UBQLN4: variants seen among roughly 807,000 people sequenced by gnomAD.
The protein encoded by UBQLN4 is ubiquilin-4.
UBQLN4 carries 11 observed loss-of-function variants against 60.4 expected under a neutral mutation model. The observed-to-expected ratio is 0.18, with a 90% CI of 0.11 to 0.30. The LOEUF (loss-of-function observed/expected upper bound fraction) is 0.30, where lower values mean the gene tolerates loss of function less well. UBQLN4 is among the 10% of genes least tolerant of loss of function. UBQLN4 has a pLI of 1.00. For missense variants in UBQLN4, 417 were observed against 795.5 expected, an observed-to-expected ratio of 0.52 and a Z score of 5.72; for synonymous variants, 258 against 313.1, an observed-to-expected ratio of 0.82 and a Z score of 1.86.
At position 156,035,318 on chromosome 1, in the gene UBQLN4, C is replaced by G. The variant is rs910956067; in HGVS notation, c.*1660G>C. On this transcript the variant is annotated 3_prime_UTR_variant, in exon 11 of 11. Coordinates refer to ENST00000368309, the MANE Select transcript of UBQLN4 (RefSeq NM_020131.5). The stretch of plus-strand genomic sequence containing the variant: ...ACACACTCTCACAACAAAGACCACG[C>G]CATTTATTTACAAAGGCCAGTGTGG... The G allele has an allele frequency of 1.0e-6, 1 of 985,304 alleles. No individual in the cohort carries two copies. Among genetic ancestry groups the G allele is most frequent in the Non-Finnish European group, 1.2e-6 (1 of 829,938 alleles). 61.0% of individuals were successfully genotyped at this position (985,304 alleles called of 1,614,324 possible).
intron 10 of UBQLN4, 42 bp downstream of exon 10, chr1:156,041,443 C>T (rs778186037): frequency 6.8e-7 from 1 of 1,479,058 alleles, no homozygotes; most frequent in Non-Finnish European, 9.0e-7. Flanking sequence ...CTCCCAGGAT[C>T]AAAGTGGTGC....
At position 156,048,386 on chromosome 1, in the gene UBQLN4, C is replaced by A; in HGVS notation, c.900+115G>T. ...TTGAGAACTGCCTTCAAGCCAAGGC[C>A]CACCCCTCAGGGGACTGGGGAAAGA... On this transcript the variant is annotated intron_variant, in intron 5 of 10. Transcript: ENST00000368309. This position sits in a 1 kb window ranked among gnomAD's most constrained non-coding sequence, Gnocchi z 4.9. The A allele has an allele frequency of 3.1e-6, 4 of 1,296,326 alleles. No homozygotes were observed. Among genetic ancestry groups the A allele is most frequent in the Non-Finnish European group, 3.1e-6 (3 of 957,086 alleles). 80.3% of individuals were successfully genotyped at this position (1,296,326 alleles called of 1,614,324 possible).
chr1:156,032,336 T>C (rs1246813876), downstream of UBQLN4, among the ~76,000 whole-genome samples: 1 of 147,972 alleles, frequency 6.8e-6, no homozygotes, highest in Admixed American at 6.7e-5. Flanking sequence ...ATATTTGCAT[T>C]ACAACCCTTT....
intron 9 of UBQLN4, 38 bp from the exon 10 acceptor site, chr1:156,041,709 C>T: frequency 6.8e-7 from 1 of 1,476,082 alleles, no homozygotes; most frequent in Non-Finnish European, 9.0e-7. Context: ...GAGATGGCAT[C>T]CAAGAAAGGG....
In UBQLN4 at chr1:156,051,161, G is replaced by A. The variant is rs777084755; in HGVS notation, c.427C>T (p.Pro143Ser). Residue 143 changes from proline (P) to serine (S), a missense_variant, in exon 3 of 11, where the codon CCC becomes TCC. Pro to Ser is a moderately conservative substitution (Grantham distance 74). Coordinates refer to ENST00000368309, the MANE Select transcript of UBQLN4 (RefSeq NM_020131.5). ...GATCCCTCCCCAGCCCCCGGAGAGG[G>A]CCCCCCACCACTGCTCCTCCGGCTT... ...SGSRRSSGGG[P>S]SPGAGEGSPS... 19 of 1,611,756 alleles carry A rather than the reference G, an allele frequency of 1.2e-5. No individual in the cohort carries two copies. In the South Asian group the frequency reaches 2.1e-4, roughly 18 times the overall value.
intron 1 of UBQLN4, among the ~76,000 whole-genome samples, chr1:156,052,353 G>A (rs747114262): frequency 1.3e-5 from 2 of 152,196 alleles, no homozygotes; most frequent in Non-Finnish European, 2.9e-5. Context: ...TTGAGATGGA[G>A]TCTCGCTCTG....
chr1:156,041,553 C>A lies in UBQLN4; in HGVS notation c.1585G>T (p.Ala529Ser). ...ATPATSSPTGASSAQQQLMQQ... is the reference protein window; with the variant it reads ...ATPATSSPTGSSSAQQQLMQQ... ...ATGAGTTGCTGCTGGGCGCTGGAAG[C>A]CCCTGTTGGAGAAGATGTGGCTGGC... The change falls in exon 10 of 11, where the codon GCT (alanine) becomes TCT (serine). Residue 529 changes from alanine (A) to serine (S), a missense_variant. By Grantham distance (99) the Ala-to-Ser change is moderately conservative (BLOSUM62 1). Transcript: ENST00000368309. 3.7e-6 allele frequency: 6 copies of A among 1,613,060 alleles called. No individual in the cohort carries two copies. The highest frequency in any genetic ancestry group is 1.7e-5 in the Admixed American group (1 of 59,958).
At chr1:156,037,980 C>T (rs1237156967) in intron 10 of UBQLN4, among the ~76,000 whole-genome samples, 1 of 152,176 alleles carries the variant, frequency 6.6e-6, no homozygotes, top group Non-Finnish European at 1.5e-5. Flanking sequence ...AATCATAGCT[C>T]ACTGCAGCCT....
downstream of UBQLN4, among the ~76,000 whole-genome samples, chr1:156,035,100 T>C (rs1197182284): frequency 6.6e-6 from 1 of 151,736 alleles, no homozygotes; most frequent in Non-Finnish European, 1.5e-5. Flanking sequence ...TTAATATTTC[T>C]TGTTTTTTTG....
intron 7 of UBQLN4, 97 bp from the exon 8 acceptor site, chr1:156,042,333 G>A (rs1406543252): frequency 2.1e-6 from 3 of 1,462,876 alleles, no homozygotes; most frequent in East Asian, 2.5e-5. Flanking sequence ...ACCACTGCAG[G>A]AAATCTGGCC....
chr1:156,051,572 G>T, intron 2 of UBQLN4, 134 bp downstream of exon 2: 1 of 1,334,404 alleles, frequency 7.5e-7, no homozygotes, highest in Non-Finnish European at 1.0e-6. Flanking sequence ...CCCTAGAGAT[G>T]AGATCATATT....
Position 156,042,814 on chromosome 1 carries a change from AT to A in UBQLN4, c.1225del (p.Met409Ter). 6.2e-7 allele frequency: 1 copy of A among 1,614,202 alleles called. No homozygotes were observed. Among genetic ancestry groups the A allele is most frequent in the South Asian group, 1.1e-5 (1 of 91,090 alleles). On this transcript the variant is annotated frameshift_variant, in exon 7 of 11. Coordinates refer to ENST00000368309, the MANE Select transcript of UBQLN4 (RefSeq NM_020131.5). LOFTEE classifies it high-confidence loss of function. ...GGGGTTCTGGGCAAGCGTCTGCATC[AT>A]GCTGCGCATGTAGGGTGCTGAGATC... ...NVISAPYMRS[M>X]MQTLAQNPDF...
rs1683784860 is a variant in UBQLN4, at chr1:156,048,772, G to A, written c.742-113C>T. The A allele has an allele frequency of 8.3e-7, 1 of 1,204,564 alleles. No individual in the cohort carries two copies. The highest frequency in any genetic ancestry group is 1.5e-5 in the African/African-American group (1 of 65,814). 74.6% of individuals were successfully genotyped at this position (1,204,564 alleles called of 1,614,324 possible). A position where few individuals can be genotyped will look rare whatever the true frequency, so the allele number is the denominator to read the frequency against. Reference sequence around the variant, plus strand: ...TATCAGGATCAGGACCAGGGCCCAGGAACTGCCCCACAGTGACAGGGAGTA... The same window carrying A: ...TATCAGGATCAGGACCAGGGCCCAGAAACTGCCCCACAGTGACAGGGAGTA... On this transcript the variant is annotated intron_variant, in intron 4 of 10. Coordinates refer to ENST00000368309, the MANE Select transcript of UBQLN4 (RefSeq NM_020131.5). This position sits in a 1 kb window ranked among gnomAD's most constrained non-coding sequence, Gnocchi z 4.9.
At position 156,036,891 on chromosome 1, in the gene UBQLN4, A is replaced by G; in HGVS notation, c.*87T>C. On this transcript the variant is annotated 3_prime_UTR_variant, in exon 11 of 11. Transcript: ENST00000368309. ...AAGGATGAGGGAGAAGACGGAAGGG[A>G]GGACAAGCTGCAGAGGGTAAGGATT... The G allele has an allele frequency of 6.5e-7, 1 of 1,549,046 alleles. No homozygotes were observed. Among genetic ancestry groups the G allele is most frequent in the South Asian group, 1.3e-5 (1 of 79,690 alleles).
intron 10 of UBQLN4, among the ~76,000 whole-genome samples, chr1:156,039,324 C>G (rs1414007772): frequency 2.0e-5 from 3 of 147,378 alleles, no homozygotes; most frequent in Non-Finnish European, 4.5e-5. Context: ...GATCTCAGCT[C>G]ACTACAACCT....
At chr1:156,049,910 C>G (rs541664327) in intron 4 of UBQLN4, among the ~76,000 whole-genome samples, 9 of 152,360 alleles carry the variant, frequency 5.9e-5, no homozygotes, top group Non-Finnish European at 1.3e-4. Context: ...TATTTGCTGT[C>G]CCTCAGCCCT....
Position 156,037,020 on chromosome 1 carries a change from G to T in UBQLN4, c.1764C>A (p.Ile588=). ...LQALIATGGD[I]NAAIERLLGS... is the part of the protein sequence containing the mutation. ...CCAGCAGTCTCTCGATAGCTGCGTT[G>T]ATGTCCCCTCCTGTGGCAATCAGGG... The change falls in exon 11 of 11, where the codon ATC becomes ATA. Residue 588 remains isoleucine (I), a synonymous_variant. Coordinates refer to ENST00000368309, the MANE Select transcript of UBQLN4 (RefSeq NM_020131.5). The T allele has an allele frequency of 6.2e-7, 1 of 1,614,208 alleles. No homozygotes were observed. The highest frequency in any genetic ancestry group is 1.7e-5 in the Admixed American group (1 of 60,020).
chr1:156,045,314 G>A (rs1343000183), intron 5 of UBQLN4, among the ~76,000 whole-genome samples: 1 of 152,188 alleles, frequency 6.6e-6, no homozygotes, highest in African/African-American at 2.4e-5. Flanking sequence ...TCACAGGCCA[G>A]GGTTCATGCA....
chr1:156,042,172 A>T lies in UBQLN4; in HGVS notation c.1331T>A (p.Leu444His). The change falls in exon 8 of 11, where the codon CTC (leucine) becomes CAC (histidine). Residue 444 changes from leucine to histidine, a missense_variant. Transcript: ENST00000368309. ...PQLQEQLRLQLPVFLQQMQNP... is the reference protein window; with the variant it reads ...PQLQEQLRLQHPVFLQQMQNP... The stretch of plus-strand genomic sequence containing the variant: ...ACTCACCTGCTGCAGGAAGACTGGG[A>T]GCTGCAGGCGGAGCTGCTCCTGCAG... The T allele has an allele frequency of 5.6e-6, 9 of 1,607,204 alleles. No individual in the cohort carries two copies. The highest frequency in any genetic ancestry group is 7.6e-6 in the Non-Finnish European group (9 of 1,177,374).
Sources: allele counts gnomAD v4.1 joint callset (sites outside exome capture counted in the v4.1 genomes callset), GRCh38; gene constraint gnomAD v4.1.1; non-coding constraint Gnocchi (gnomAD v3.1); transcripts MANE v1.5; gene names NCBI Gene and HGNC (gene_info 2026-07-23, HGNC 2026-07-21).